Variants in DCDC2C observed in about 807,000 individuals in gnomAD.
The protein encoded by DCDC2C is doublecortin domain containing 2C.
DCDC2C carries 44 observed loss-of-function variants against 45.0 expected under a neutral mutation model. The observed-to-expected ratio is 0.98, with a 90% CI of 0.77 to 1.26. The LOEUF (loss-of-function observed/expected upper bound fraction) is 1.26, where lower values mean the gene tolerates loss of function less well. Among genes scored for constraint, DCDC2C ranks in the 50% most tolerant of loss-of-function variants. The pLI is 0.00. For synonymous variants in DCDC2C, 187 were observed against 178.8 expected (o/e 1.05, Z -0.37); for missense variants, 447 against 468.9 (o/e 0.95, Z 0.43).
Position 3,778,847 on chromosome 2 carries a change from A to T in DCDC2C, c.986A>T (p.Glu329Val). The T allele has an allele frequency of 6.4e-7, 1 of 1,551,124 alleles. No homozygotes were observed. Among genetic ancestry groups the T allele is most frequent in the South Asian group, 1.2e-5 (1 of 84,058 alleles). The change falls in exon 9 of 11, where the codon GAG (glutamate) becomes GTG (valine). Residue 329 changes from glutamate to valine, a missense_variant. Physicochemically the swap from Glu to Val is moderately radical, Grantham distance 121 (BLOSUM62 -2). Coordinates refer to ENST00000399143, the MANE Select transcript of DCDC2C (RefSeq NM_001287444.2). ...GCTGAGATAGTTAAAGAAGATGAAGAGATACATGAGAACACCCCTGATTTT... is the reference window on the plus strand; with the variant it reads ...GCTGAGATAGTTAAAGAAGATGAAGTGATACATGAGAACACCCCTGATTTT... ...RQAEIVKEDE[E>V]IHENTPDFEG... is the part of the protein sequence containing the mutation.
intron 4 of DCDC2C, among the ~76,000 whole-genome samples, chr2:3,749,925 A>G (rs1434648120): frequency 6.6e-6 from 1 of 152,204 alleles, no homozygotes; most frequent in African/African-American, 2.4e-5. Flanking sequence ...TGGTTTATGC[A>G]GAGACATTCC....
At chr2:3,770,899 C>T (rs1315270161) in intron 8 of DCDC2C, among the ~76,000 whole-genome samples, 1 of 152,194 alleles carries the variant, frequency 6.6e-6, no homozygotes, top group Non-Finnish European at 1.5e-5. Flanking sequence ...GGGAAGAGGG[C>T]CAGTAGGTCC....
At chr2:3,707,790 C>T (rs1055749028) in intron 1 of DCDC2C, among the ~76,000 whole-genome samples, 2 of 152,204 alleles carry the variant, frequency 1.3e-5, no homozygotes, top group African/African-American at 4.8e-5. Flanking sequence ...GATCTGCATC[C>T]GTGACTCTTT....
chr2:3,744,734 C>A (rs1669311679), intron 4 of DCDC2C, among the ~76,000 whole-genome samples: 1 of 152,186 alleles, frequency 6.6e-6, no homozygotes, highest in South Asian at 2.1e-4. Flanking sequence ...AAACTGATGT[C>A]CACTTTTGAG....
intron 4 of DCDC2C, among the ~76,000 whole-genome samples, chr2:3,747,572 A>C (rs1669410186): frequency 6.6e-6 from 1 of 152,200 alleles, no homozygotes; most frequent in African/African-American, 2.4e-5. Context: ...TGCCTGGCCC[A>C]GGGAGTAGCC....
chr2:3,806,675 T>G (rs1406877446), intron 10 of DCDC2C, among the ~76,000 whole-genome samples: 1 of 151,912 alleles, frequency 6.6e-6, no homozygotes, highest in African/African-American at 2.4e-5. Context: ...CCTGAGTAGC[T>G]GGGATTACAG....
In DCDC2C at chr2:3,847,238, C is replaced by G; in HGVS notation, c.*55C>G. ...CACTTTTCTTCAACCATGGGGCTTC[C>G]ACGTCACATATGGACATTTTAACAG... On this transcript the variant is annotated 3_prime_UTR_variant, in exon 11 of 11. Coordinates refer to ENST00000399143, the MANE Select transcript of DCDC2C (RefSeq NM_001287444.2). 8.7e-7 allele frequency: 1 copy of G among 1,144,034 alleles called. No homozygotes were observed. The highest frequency in any genetic ancestry group is 1.1e-6 in the Non-Finnish European group (1 of 907,968). The allele number at this position is 1,144,034 out of a possible 1,614,324, so 70.9% of individuals were successfully genotyped here. A position where few individuals can be genotyped will look rare whatever the true frequency, so the allele number is the denominator to read the frequency against.
At chr2:3,741,716 C>G (rs1400728480) in intron 3 of DCDC2C, among the ~76,000 whole-genome samples, 1 of 148,992 alleles carries the variant, frequency 6.7e-6, no homozygotes, top group Non-Finnish European at 1.5e-5. Flanking sequence ...CATAGGTATA[C>G]ACACACGCGC....
chr2:3,758,169 A>G (rs1178708064), intron 6 of DCDC2C, among the ~76,000 whole-genome samples: 1 of 152,230 alleles, frequency 6.6e-6, no homozygotes, highest in Non-Finnish European at 1.5e-5. Flanking sequence ...GTGGAGCAGA[A>G]CAGTGGGACT....
intron 10 of DCDC2C, among the ~76,000 whole-genome samples, chr2:3,815,833 C>T (rs1671545352): frequency 6.6e-6 from 1 of 152,196 alleles, no homozygotes; most frequent in African/African-American, 2.4e-5. Flanking sequence ...AGGCCATTTT[C>T]ACTTCTTTTG....
intron 10 of DCDC2C, among the ~76,000 whole-genome samples, chr2:3,815,838 CT>C (rs1420306757): frequency 5.3e-5 from 8 of 152,290 alleles, no homozygotes; most frequent in Non-Finnish European, 8.8e-5. Flanking sequence ...ATTTTCACTT[CT>C]TTTGTGATTC....
At chr2:3,840,223 C>T (rs1488971674) in intron 10 of DCDC2C, among the ~76,000 whole-genome samples, 4 of 152,256 alleles carry the variant, frequency 2.6e-5, no homozygotes, top group South Asian at 2.1e-4. Context: ...CTGTGTAAGC[C>T]GAGCTGGTTT....
chr2:3,703,883 GGC>G lies in DCDC2C; in HGVS notation c.135_136del (p.Leu46AlafsTer75). ...LSRRRAATFE[A>X]LLEQLTEQVD... is the part of the protein sequence containing the mutation. ...CGCGGCGCCGCGCGGCCACCTTCGA[GGC>G]GCTGCTGGAGCAGCTCACGGAGCAG... On this transcript the variant is annotated frameshift_variant, in exon 1 of 11. Coordinates refer to ENST00000399143, the MANE Select transcript of DCDC2C (RefSeq NM_001287444.2). LOFTEE classifies it high-confidence loss of function. The surrounding 1 kb of genome is among the most constrained non-coding windows in gnomAD (Gnocchi z 4.4). The G allele has an allele frequency of 1.1e-5, 14 of 1,313,590 alleles. No homozygotes were observed. Among genetic ancestry groups the G allele is most frequent in the Non-Finnish European group, 1.4e-5 (14 of 1,026,794 alleles). 81.4% of individuals were successfully genotyped at this position (1,313,590 alleles called of 1,614,324 possible). A position where few individuals can be genotyped will look rare whatever the true frequency, so the allele number is the denominator to read the frequency against.
chr2:3,742,866 A>G (rs567575261), intron 4 of DCDC2C, among the ~76,000 whole-genome samples: 1 of 152,342 alleles, frequency 6.6e-6, no homozygotes, highest in African/African-American at 2.4e-5. Flanking sequence ...TTTACAGACC[A>G]GGCAAGGGGC....
At chr2:3,749,720 C>A (rs1209088973) in intron 4 of DCDC2C, among the ~76,000 whole-genome samples, 1 of 152,192 alleles carries the variant, frequency 6.6e-6, no homozygotes, top group Non-Finnish European at 1.5e-5. Context: ...GTTTGGTGGC[C>A]ATGGCTCTGT....
intron 10 of DCDC2C, among the ~76,000 whole-genome samples, chr2:3,830,239 G>A (rs2148233744): frequency 6.6e-6 from 1 of 152,180 alleles, no homozygotes; most frequent in East Asian, 1.9e-4. Context: ...ATATTTGGTA[G>A]GTGACAACCT....
intron 9 of DCDC2C, 148 bp downstream of exon 9, chr2:3,779,032 G>A (rs1374443173): frequency 9.5e-6 from 7 of 733,176 alleles, no homozygotes; most frequent in Admixed American, 2.8e-5. Context: ...AGTGCATTTC[G>A]CAGGCAGCCG....
chr2:3,760,666 T>C (rs747423676), intron 6 of DCDC2C, among the ~76,000 whole-genome samples: 1 of 151,336 alleles, frequency 6.6e-6, no homozygotes, highest in Non-Finnish European at 1.5e-5. Flanking sequence ...CATCACACAC[T>C]GGGGCCTGTT....
chr2:3,750,754 G>A (rs978164870), intron 4 of DCDC2C, among the ~76,000 whole-genome samples: 15 of 152,072 alleles, frequency 9.9e-5, no homozygotes, highest in African/African-American at 3.6e-4. Context: ...CCTGTGGCTT[G>A]TCCTCTTTCC....
Sources: allele counts gnomAD v4.1 joint callset (sites outside exome capture counted in the v4.1 genomes callset), GRCh38; gene constraint gnomAD v4.1.1; non-coding constraint Gnocchi (gnomAD v3.1); transcripts MANE v1.5; gene names NCBI Gene and HGNC (gene_info 2026-07-23, HGNC 2026-07-21).